Variants in HIVEP2 observed in about 807,000 individuals in gnomAD.
HIVEP2 encodes HIVEP zinc finger 2.
HIVEP2 carries 14 observed loss-of-function variants against 180.7 expected under a neutral mutation model. The observed-to-expected ratio is 0.08, with a 90% confidence interval of 0.05 to 0.12. The LOEUF is 0.12. Ranked by LOEUF, HIVEP2 falls within the 10% of genes least tolerant of loss-of-function variation. The probability of loss-of-function intolerance (pLI) is 1.00; values close to 1 mark genes in which losing one functional copy is unlikely to be tolerated. For synonymous variants in HIVEP2, 1,184 were observed against 1,136.4 expected, an observed-to-expected ratio of 1.04 and a Z score of -0.84; for missense variants, 2,579 against 3,008.5, an observed-to-expected ratio of 0.86 and a Z score of 3.34.
Position 142,760,545 on chromosome 6 carries a change from C to T in HIVEP2, c.5743G>A (p.Asp1915Asn). The change falls in exon 9 of 10, where the codon GAT becomes AAT. Residue 1915 changes from aspartate (D) to asparagine (N), a missense_variant. Asp to Asn is a conservative substitution (Grantham distance 23). Transcript: ENST00000367603. ...GEDGDDNDDD[D>N]EDEDDFDDQG... ...TCGTCAAAGTCATCTTCATCTTCAT[C>T]ATCATCATCATTATCATCTCCATCC... is the stretch of plus-strand genomic sequence containing the variant. 1.9e-6 allele frequency: 3 copies of T among 1,613,958 alleles called. No individual in the cohort carries two copies. The highest frequency in any genetic ancestry group is 2.5e-6 in the Non-Finnish European group (3 of 1,179,856).
chr6:142,818,163 A>C (rs1776893167), intron 2 of HIVEP2, among the ~76,000 whole-genome samples: 1 of 152,180 alleles, frequency 6.6e-6, no homozygotes, highest in Non-Finnish European at 1.5e-5. Flanking sequence ...GGACAACTAA[A>C]GTCACCTGCT....
At chr6:142,819,963 C>T (rs979529418) in intron 2 of HIVEP2, among the ~76,000 whole-genome samples, 2 of 152,094 alleles carry the variant, frequency 1.3e-5, no homozygotes, top group Non-Finnish European at 2.9e-5. Context: ...ATCCTTTCAG[C>T]AGAAAAATGC....
intron 2 of HIVEP2, among the ~76,000 whole-genome samples, chr6:142,787,620 G>A (rs1258176412): frequency 5.3e-5 from 8 of 150,410 alleles, no homozygotes; most frequent in South Asian, 2.1e-4. Context: ...TCTGGAGTGC[G>A]TAAAGTGGCA....
At chr6:142,755,198 T>A (rs1239532722) in intron 9 of HIVEP2, among the ~76,000 whole-genome samples, 1 of 152,190 alleles carries the variant, frequency 6.6e-6, no homozygotes, top group East Asian at 1.9e-4. Context: ...CTGTGATATA[T>A]CATATGCAAG....
At chr6:142,879,758 C>T (rs916341913) in intron 1 of HIVEP2, among the ~76,000 whole-genome samples, 1 of 152,118 alleles carries the variant, frequency 6.6e-6, no homozygotes, top group Non-Finnish European at 1.5e-5. Context: ...ACAGTCTCTT[C>T]TCCAGGCAGC....
At chr6:142,764,411 C>A (rs1389746914) in intron 7 of HIVEP2, among the ~76,000 whole-genome samples, 1 of 152,188 alleles carries the variant, frequency 6.6e-6, no homozygotes, top group Non-Finnish European at 1.5e-5. Flanking sequence ...TTGAAACTGA[C>A]CAAGAGCACA....
rs574755063 is a variant in HIVEP2, at chr6:142,929,955, G to C, written c.-641+15144C>G. 3.3e-5 allele frequency among the ~76,000 whole-genome samples: 5 copies of C among 152,252 alleles called. No homozygotes were observed. In the South Asian group the frequency reaches 1.0e-3, roughly 32 times the overall value. ...CTGGCCTCCTCTCTAAAAATATTCAGAAGGGCATACTAAATTTTCACTCTT... is the reference window on the plus strand; with the variant it reads ...CTGGCCTCCTCTCTAAAAATATTCACAAGGGCATACTAAATTTTCACTCTT... On this transcript the variant is annotated intron_variant, in intron 1 of 9. Transcript: ENST00000367603.
intron 1 of HIVEP2, among the ~76,000 whole-genome samples, chr6:142,926,083 C>G (rs918052871): frequency 6.6e-6 from 1 of 152,186 alleles, no homozygotes; most frequent in African/African-American, 2.4e-5. Flanking sequence ...TAGTACTAAA[C>G]ATCGATTCTT....
intron 2 of HIVEP2, among the ~76,000 whole-genome samples, chr6:142,793,678 TCTCTC>T (rs1562521455): frequency 9.1e-5 from 13 of 142,590 alleles, no homozygotes; most frequent in East Asian, 4.2e-4. Flanking sequence ...TTTCTTTCTC[TCTCTC>T]TCTCTCTCTC....
In HIVEP2 at chr6:142,763,896, T is replaced by G. The variant is rs570974106; in HGVS notation, c.5518+903A>C. On this transcript the variant is annotated intron_variant, in intron 7 of 9. Transcript: ENST00000367603. ...GCTACCCATTTACACTTCTAGCAAT[T>G]TAGGATTTTCAGCTATAAAAGAATA... Among the ~76,000 whole-genome samples the G allele has an allele frequency of 2.0e-5, 3 of 152,302 alleles. No homozygotes were observed. In the South Asian group the frequency reaches 6.2e-4, roughly 32 times the overall value.
At chr6:142,924,316 T>C (rs1018951148) in intron 1 of HIVEP2, among the ~76,000 whole-genome samples, 1 of 152,220 alleles carries the variant, frequency 6.6e-6, no homozygotes, top group Non-Finnish European at 1.5e-5. Flanking sequence ...ATCATCTTTA[T>C]TTCCTCATTC....
chr6:142,825,562 A>C (rs1384282048), intron 2 of HIVEP2, among the ~76,000 whole-genome samples: 3 of 152,226 alleles, frequency 2.0e-5, no homozygotes, highest in Non-Finnish European at 4.4e-5. Flanking sequence ...TTAGAAAATA[A>C]AACTTAGAAA....
chr6:142,775,218 A>G lies in HIVEP2; in HGVS notation c.-387-93T>C, dbSNP rs1039129613. 6 of 254,120 alleles carry G rather than the reference A, an allele frequency of 2.4e-5. No individual in the cohort carries two copies. The South Asian group carries it at 7.4e-4, about 32-fold the overall frequency. 15.7% of individuals were successfully genotyped at this position (254,120 alleles called of 1,614,324 possible). A position where few individuals can be genotyped will look rare whatever the true frequency, so the allele number is the denominator to read the frequency against. On this transcript the variant is annotated intron_variant, in intron 4 of 9. Coordinates refer to ENST00000367603, the MANE Select transcript of HIVEP2 (RefSeq NM_006734.4). ...ACCTAACTAACCAACCAGAAATTAG[A>G]TAAATTTGAAATGTTTTTTACTCCA...
At chr6:142,789,231 A>G (rs537191414) in intron 2 of HIVEP2, among the ~76,000 whole-genome samples, 1 of 152,348 alleles carries the variant, frequency 6.6e-6, no homozygotes, top group East Asian at 1.9e-4. Context: ...TACTAACCAT[A>G]ATTTAATCTT....
intron 1 of HIVEP2, among the ~76,000 whole-genome samples, chr6:142,862,766 ATATAT>A (rs1474279709): frequency 1.5e-5 from 2 of 135,876 alleles, no homozygotes; most frequent in African/African-American, 2.7e-5. Flanking sequence ...ATATTATGTA[ATATAT>A]TATATGTAAT....
intron 7 of HIVEP2, 109 bp from the exon 8 acceptor site, chr6:142,761,674 C>G: frequency 1.4e-6 from 1 of 730,052 alleles, no homozygotes; most frequent in Admixed American, 1.9e-5. Flanking sequence ...TTAAATTCAT[C>G]ATGTAACACA....
At chr6:142,837,991 T>C (rs900436205) in intron 1 of HIVEP2, among the ~76,000 whole-genome samples, 4 of 152,064 alleles carry the variant, frequency 2.6e-5, no homozygotes, top group African/African-American at 7.2e-5. Flanking sequence ...AGCACAAGAT[T>C]TTTTAATTGT....
In HIVEP2 at chr6:142,770,889, C is replaced by G. The variant is rs549519966; in HGVS notation, c.3850G>C (p.Gly1284Arg). The change falls in exon 5 of 10, where the codon GGA becomes CGA. Residue 1284 changes from glycine to arginine, a missense_variant. By Grantham distance (125) the Gly-to-Arg change is moderately radical (BLOSUM62 -2). Around this residue, in one of 11 missense-constraint regions of HIVEP2, gnomAD observed 523 missense variants for 577.0 expected, o/e 0.91. Transcript: ENST00000367603. The surrounding 1 kb of genome is among the most constrained non-coding windows in gnomAD (Gnocchi z 4.7). The stretch of plus-strand genomic sequence containing the variant: ...TTCTTTGGGTGTAGCCCTGATGCTC[C>G]TGAATAACATGGGTAGGTCTGCTCT... ...TKEQTYPCYSGASGLHPKNLL... is the reference protein window; with the variant it reads ...TKEQTYPCYSRASGLHPKNLL... 6.2e-7 allele frequency: 1 copy of G among 1,614,220 alleles called. No homozygotes were observed. Among genetic ancestry groups the G allele is most frequent in the Admixed American group, 1.7e-5 (1 of 60,030 alleles).
intron 1 of HIVEP2, among the ~76,000 whole-genome samples, chr6:142,937,903 C>T (rs1310677653): frequency 1.3e-5 from 2 of 152,212 alleles, no homozygotes; most frequent in Non-Finnish European, 2.9e-5. Flanking sequence ...TGGAGCCTGG[C>T]ACAGGTGAGT....
Sources: gnomAD v4.1 joint callset for allele counts (sites outside exome capture counted in the v4.1 genomes callset) on GRCh38, gnomAD v4.1.1 for gene constraint, gnomAD v4.1.1 regional missense constraint, Gnocchi (gnomAD v3.1) non-coding constraint, MANE v1.5 for transcripts, NCBI Gene and HGNC (gene_info 2026-07-23, HGNC 2026-07-21) for gene names.